Variants in ZNF347 observed in about 807,000 individuals in gnomAD.
ZNF347 encodes the protein zinc finger protein 347, also known as CTD-2620I22.7.
A neutral mutation model predicts 12.9 loss-of-function variants in ZNF347; 19 were observed. That is an observed-to-expected ratio of 1.47 (90% CI 1.03 to 2.16). The LOEUF (loss-of-function observed/expected upper bound fraction) is 2.16, where lower values mean the gene tolerates loss of function less well. Ranked by LOEUF, ZNF347 falls within the 30% of genes most tolerant of loss-of-function variation. The probability of loss-of-function intolerance (pLI) is 0.00; values close to 1 mark genes in which losing one functional copy is unlikely to be tolerated. For missense variants in ZNF347, 1,005 were observed against 990.6 expected (o/e 1.01, Z -0.19); for synonymous variants, 328 against 340.6 (o/e 0.96, Z 0.41).
At position 53,138,729 on chromosome 19, in the gene ZNF347, GTTA is replaced by G. The variant is rs2090400531; in HGVS notation, c.*1576_*1578del. The G allele has an allele frequency of 6.6e-6, 1 of 152,064 alleles. No individual in the cohort carries two copies. Among genetic ancestry groups the G allele is most frequent in the African/African-American group, 2.4e-5 (1 of 41,420 alleles). 9.4% of individuals were successfully genotyped at this position (152,064 alleles called of 1,614,324 possible). A position where few individuals can be genotyped will look rare whatever the true frequency, so the allele number is the denominator to read the frequency against. On this transcript the variant is annotated 3_prime_UTR_variant, in exon 5 of 5. Transcript: ENST00000334197. The stretch of plus-strand genomic sequence containing the variant: ...TCCAACCTAAAAGACTGAGTGTATT[GTTA>G]TTATCTGCTATGAAGTATCCTACTG...
chr19:53,148,548 G>A, intron 4 of ZNF347, 133 bp downstream of exon 4: 1 of 1,089,908 alleles, frequency 9.2e-7, no homozygotes, highest in Non-Finnish European at 1.3e-6. Context: ...ATAGACAAAA[G>A]GGGGCAAATA....
chr19:53,142,623 A>T (rs1288893615), intron 4 of ZNF347, 67 bp from the exon 5 acceptor site: 4 of 1,233,360 alleles, frequency 3.2e-6, no homozygotes, highest in Non-Finnish European at 3.3e-6. Flanking sequence ...TTTACACCGA[A>T]AAACAATATT....
At chr19:53,144,923 T>G (rs550425081) in intron 4 of ZNF347, among the ~76,000 whole-genome samples, 2 of 151,792 alleles carry the variant, frequency 1.3e-5, no homozygotes, top group African/African-American at 4.8e-5. Context: ...TTCAAAAAAG[T>G]CAAAATTGTA....
chr19:53,152,326 G>A (rs2146811547), intron 2 of ZNF347, among the ~76,000 whole-genome samples: 1 of 152,204 alleles, frequency 6.6e-6, no homozygotes, highest in South Asian at 2.1e-4. Flanking sequence ...TCACTGAAGG[G>A]CCGGGCATGG....
In ZNF347 at chr19:53,136,239, A is replaced by G. The variant is rs941692437; in HGVS notation, c.*4069T>C. ...ATTTACAAGGACACTCCATTTTCCTATTTACAGAGAACCTAGTCTGTACCT... is the reference window on the plus strand; with the variant it reads ...ATTTACAAGGACACTCCATTTTCCTGTTTACAGAGAACCTAGTCTGTACCT... On this transcript the variant is annotated 3_prime_UTR_variant, in exon 5 of 5. Transcript: ENST00000334197. 1 of 150,508 alleles carries G rather than the reference A, an allele frequency of 6.6e-6. No homozygotes were observed. Among genetic ancestry groups the G allele is most frequent in the Non-Finnish European group, 1.5e-5 (1 of 67,904 alleles). The allele number at this position is 150,508 out of a possible 1,614,324, so 9.3% of individuals were successfully genotyped here.
intron 1 of ZNF347, among the ~76,000 whole-genome samples, chr19:53,157,899 C>T (rs2090545817): frequency 6.6e-6 from 1 of 152,198 alleles, no homozygotes; most frequent in Admixed American, 6.5e-5. Context: ...TACATTTCCC[C>T]AGTTGCTTTT....
rs376057665 is a variant in ZNF347, at chr19:53,137,389, AC to A, written c.*2918del. On this transcript the variant is annotated 3_prime_UTR_variant, in exon 5 of 5. Transcript: ENST00000334197. ...AGTTCAAATCACGTGTGGGATCCTC[AC>A]CCCAACCCACCCTTTTATTAAAGGT... The A allele has an allele frequency of 1.3e-5, 2 of 152,034 alleles. No individual in the cohort carries two copies. Among genetic ancestry groups the A allele is most frequent in the African/African-American group, 4.8e-5 (2 of 41,488 alleles). The allele number at this position is 152,034 out of a possible 1,614,324, so 9.4% of individuals were successfully genotyped here.
chr19:53,154,838 T>C (rs1194652418), intron 1 of ZNF347, among the ~76,000 whole-genome samples: 1 of 150,446 alleles, frequency 6.6e-6, no homozygotes, highest in African/African-American at 2.5e-5. Flanking sequence ...AAGGCAAGAA[T>C]TGAACATAAA....
chr19:53,149,265 T>C lies in ZNF347; in HGVS notation c.118A>G (p.Asn40Asp). The C allele has an allele frequency of 6.2e-7, 1 of 1,613,294 alleles. No homozygotes were observed. The highest frequency in any genetic ancestry group is 1.1e-5 in the South Asian group (1 of 90,926). The change falls in exon 3 of 5, where the codon AAT (asparagine) becomes GAT (aspartate). Residue 40 changes from asparagine to aspartate, a missense_variant. Physicochemically the swap from Asn to Asp is conservative, Grantham distance 23 (BLOSUM62 1). Coordinates refer to ENST00000334197, the MANE Select transcript of ZNF347 (RefSeq NM_032584.3). The stretch of plus-strand genomic sequence containing the variant: ...CCCAGGGAGGCCAGGTTCCTATAAT[T>C]CTCCAACATCACGTCCCTGTACAAA... ...RTLYRDVMLE[N>D]YRNLASLGIS...
At position 53,140,901 on chromosome 19, in the gene ZNF347, G is replaced by A. The variant is rs2090419197; in HGVS notation, c.1927C>T (p.His643Tyr). ...AFSEHSNLTT[H>Y]QVIHTGEKPY... ...TTTTCACCAGTATGGATGACCTGAT[G>A]GGTAGTTAGGTTTGAATGTTCACTA... The change falls in exon 5 of 5, where the codon CAT becomes TAT. Residue 643 changes from histidine (H) to tyrosine (Y), a missense_variant. Transcript: ENST00000334197. 2.5e-6 allele frequency: 4 copies of A among 1,613,392 alleles called. No individual in the cohort carries two copies. The highest frequency in any genetic ancestry group is 2.2e-5 in the East Asian group (1 of 44,874).
Position 53,149,314 on chromosome 19 carries a change from T to C in ZNF347, c.69A>G (p.Thr23=). 1 of 1,614,040 alleles carries C rather than the reference T, an allele frequency of 6.2e-7. No individual in the cohort carries two copies. The change falls in exon 3 of 5, where the codon ACA becomes ACG. Residue 23 remains threonine, a synonymous_variant. Coordinates refer to ENST00000334197, the MANE Select transcript of ZNF347 (RefSeq NM_032584.3). ...VAIEFSQEEW[T]CLDPAQRTLY... is the part of the protein sequence containing the mutation. ...AAGTCCTCTGAGCGGGGTCCAGGCATGTCCACTCCTCCTGAGAGAATTCTA... is the reference window on the plus strand; with the variant it reads ...AAGTCCTCTGAGCGGGGTCCAGGCACGTCCACTCCTCCTGAGAGAATTCTA...
intron 1 of ZNF347, 104 bp from the exon 2 acceptor site, chr19:53,153,897 A>G: frequency 1.3e-6 from 1 of 798,564 alleles, no homozygotes; most frequent in South Asian, 1.6e-5. Context: ...ACAATCACAC[A>G]CACACACAGG....
Position 53,135,339 on chromosome 19 carries a change from T to TATATAG in ZNF347, c.*4968_*4969insCTATAT, listed in dbSNP as rs2090381896. The stretch of plus-strand genomic sequence containing the variant: ...ATATATATATATATATATATATATA[T>TATATAG]AGAGAGAGAGAGAGAGAGAGAGAGA... On this transcript the variant is annotated 3_prime_UTR_variant, in exon 5 of 5. Transcript: ENST00000334197. 1 of 85,256 alleles carries TATATAG rather than the reference T, an allele frequency of 1.2e-5. No homozygotes were observed. The highest frequency in any genetic ancestry group is 5.8e-5 in the African/African-American group (1 of 17,188). The allele number at this position is 85,256 out of a possible 1,614,324, so 5.3% of individuals were successfully genotyped here.
At chr19:53,151,159 G>C (rs2090494611) in intron 2 of ZNF347, among the ~76,000 whole-genome samples, 1 of 152,186 alleles carries the variant, frequency 6.6e-6, no homozygotes, top group Admixed American at 6.6e-5. Flanking sequence ...GACACTCTAA[G>C]AAACTTGCGT....
chr19:53,144,496 A>G (rs1336173788), intron 4 of ZNF347, among the ~76,000 whole-genome samples: 1 of 152,236 alleles, frequency 6.6e-6, no homozygotes, highest in Non-Finnish European at 1.5e-5. Flanking sequence ...TAGCAATACA[A>G]TAATATTAGG....
chr19:53,157,787 A>C (rs1360847250), intron 1 of ZNF347, among the ~76,000 whole-genome samples: 2 of 151,916 alleles, frequency 1.3e-5, no homozygotes, highest in Non-Finnish European at 2.9e-5. Context: ...CCCTGGCTCC[A>C]AATCCCTCCT....
At chr19:53,150,129 G>A (rs1228364491) in intron 2 of ZNF347, among the ~76,000 whole-genome samples, 4 of 152,170 alleles carry the variant, frequency 2.6e-5, no homozygotes, top group African/African-American at 9.7e-5. Context: ...ATCTGTGTTT[G>A]CAACTGGCAT....
rs931671889 is a variant in ZNF347 at position 53,140,054 on chromosome 19, C to T, written c.*254G>A. The T allele has an allele frequency of 5.3e-6, 2 of 376,296 alleles. No individual in the cohort carries two copies. Among genetic ancestry groups the T allele is most frequent in the African/African-American group, 4.1e-5 (2 of 48,420 alleles). The allele number at this position is 376,296 out of a possible 1,614,324, so 23.3% of individuals were successfully genotyped here. Reference sequence around the variant, plus strand: ...TAGCTGGGATTACAGGCGCACGCCACCAGGCCTAGCTAATTGTGTACTTTT... The same window carrying T: ...TAGCTGGGATTACAGGCGCACGCCATCAGGCCTAGCTAATTGTGTACTTTT... On this transcript the variant is annotated 3_prime_UTR_variant, in exon 5 of 5. Coordinates refer to ENST00000334197, the MANE Select transcript of ZNF347 (RefSeq NM_032584.3).
At chr19:53,153,698 A>C (rs1288311151) in intron 2 of ZNF347, 35 bp downstream of exon 2, 2 of 1,609,140 alleles carry the variant, frequency 1.2e-6, no homozygotes, top group Non-Finnish European at 8.5e-7. Context: ...AGAAGAAATA[A>C]GAGACAGAAC....
Sources: allele counts gnomAD v4.1 joint callset (sites outside exome capture counted in the v4.1 genomes callset), GRCh38; gene constraint gnomAD v4.1.1; transcripts MANE v1.5; gene names NCBI Gene and HGNC (gene_info 2026-07-23, HGNC 2026-07-21).